Variants in ANO1 observed in about 807,000 individuals in gnomAD.
The protein encoded by ANO1 is anoctamin-1.
Under a neutral mutation model 124.0 loss-of-function variants are expected in ANO1, and 59 were observed. The ratio of observed to expected loss-of-function variants is 0.48; its 90% confidence interval spans 0.39 to 0.59. ANO1 has a LOEUF of 0.59. Among genes scored for constraint, ANO1 ranks in the 20% least tolerant of loss-of-function variants. ANO1 has a pLI of 0.00. For missense variants in ANO1, 1,059 were observed against 1,328.0 expected, an observed-to-expected ratio of 0.80 and a Z score of 3.15; for synonymous variants, 529 against 532.0, an observed-to-expected ratio of 0.99 and a Z score of 0.08.
intron 10 of ANO1, among the ~76,000 whole-genome samples, chr11:70,128,886 G>T (rs188478880): frequency 6.6e-6 from 1 of 152,230 alleles, no homozygotes; most frequent in African/African-American, 2.4e-5. Flanking sequence ...CTAGGAGAGC[G>T]GTAGGGCTCA....
Position 70,108,394 on chromosome 11 carries a change from G to A in ANO1, c.789G>A (p.Lys263=), listed in dbSNP as rs1313981139. 1.2e-6 allele frequency: 2 copies of A among 1,612,418 alleles called. No individual in the cohort carries two copies. Among genetic ancestry groups the A allele is most frequent in the Non-Finnish European group, 8.5e-7 (1 of 1,178,796 alleles). ...AGAGAACGACGTGTACAAAGGCCAA[G>A]TACAGCATGGGTAAGCACGTTTTTG... The part of the protein sequence containing the change: ...ILKRTTCTKA[K]YSMGITSLLA... The change falls in exon 6 of 26, where the codon AAG becomes AAA. Residue 263 remains lysine, a synonymous_variant. Coordinates refer to ENST00000355303, the MANE Select transcript of ANO1 (RefSeq NM_018043.7).
Position 70,024,213 on chromosome 11 carries a change from G to A in ANO1, c.58+38047G>A, listed in dbSNP as rs374721817. ...CAGGGAGCCCAAGGCTATCTCTGAC[G>A]GTCCTGCCTGAGGTCTTTGACCCTC... On this transcript the variant is annotated intron_variant, in intron 1 of 27. Transcript: ENST00000531349. 6.6e-5 allele frequency among the ~76,000 whole-genome samples: 10 copies of A among 152,206 alleles called. No individual in the cohort carries two copies. The East Asian group carries it at 9.6e-4, about 15-fold the overall frequency.
At chr11:69,984,871 C>T (rs782412377), upstream of ANO1, among the ~76,000 whole-genome samples, 1 of 152,352 alleles carries the variant, frequency 6.6e-6, no homozygotes, top group East Asian at 1.9e-4. Context: ...TGCCCTGTCC[C>T]CCACGGCCTC....
intron 16 of ANO1, among the ~76,000 whole-genome samples, chr11:70,159,815 G>A (rs895466741): frequency 6.6e-6 from 1 of 152,210 alleles, no homozygotes; most frequent in Admixed American, 6.5e-5. Context: ...CAGGACCGAG[G>A]GGTTTTCCAA....
Position 70,026,028 on chromosome 11 carries a change from ATGATGATGGTGATGATGGTGGTGGTGG to A in ANO1, c.58+39871_58+39897del, listed in dbSNP as rs1565163755. 1.9e-3 allele frequency among the ~76,000 whole-genome samples: 263 copies of A among 134,958 alleles called. 6 individuals carry two copies. Among genetic ancestry groups the A allele is most frequent in the African/African-American group, 7.2e-3 (249 of 34,790 alleles). 88.5% of individuals were successfully genotyped at this position (134,958 alleles called of 152,430 possible). ...GATGATGATGGTGGTGGTGATGGTGATGATGATGGTGATGATGGTGGTGGTGGTGATGATGATGTGGTGGTGGTGATG... is the reference window on the plus strand; with the variant it reads ...GATGATGATGGTGGTGGTGATGGTGATGATGATGATGTGGTGGTGGTGATG... On this transcript the variant is annotated intron_variant, in intron 1 of 27. Coordinates refer to the ANO1 transcript ENST00000531349.
At chr11:70,146,138 G>T (rs1399540002) in intron 11 of ANO1, among the ~76,000 whole-genome samples, 1 of 152,166 alleles carries the variant, frequency 6.6e-6, no homozygotes, top group Admixed American at 6.5e-5. Flanking sequence ...TCTGCACAGA[G>T]AGTTGGTCCA....
chr11:70,162,250 C>T (rs1168076932), intron 18 of ANO1, among the ~76,000 whole-genome samples: 2 of 147,952 alleles, frequency 1.4e-5, no homozygotes, highest in Admixed American at 6.7e-5. Context: ...AGTGAGGACC[C>T]GGGAGTGAGG....
chr11:70,151,198 G>GCA (rs2047589513), intron 12 of ANO1, among the ~76,000 whole-genome samples: 1 of 152,232 alleles, frequency 6.6e-6, no homozygotes, highest in South Asian at 2.1e-4. Context: ...ACCTGACCTA[G>GCA]CACACAGTCA....
At chr11:70,012,914 C>T (rs12802284) in intron 1 of ANO1, among the ~76,000 whole-genome samples, 36,089 of 152,148 alleles carry the variant, frequency 0.24, 4,434 homozygotes, top group South Asian at 0.29. Context: ...GACAACAAGA[C>T]CAACCATGCC....
chr11:70,167,138 A>G, intron 20 of ANO1, 104 bp from the exon 21 acceptor site: 2 of 1,417,332 alleles, frequency 1.4e-6, no homozygotes, highest in Non-Finnish European at 1.9e-6. Context: ...AAAGAGTGAA[A>G]CTCTGTCTCA....
intron 1 of ANO1, among the ~76,000 whole-genome samples, chr11:70,003,928 C>A (rs1856434367): frequency 6.6e-6 from 1 of 152,196 alleles, no homozygotes; most frequent in African/African-American, 2.4e-5. Context: ...TTCTCCCAGC[C>A]TCCACGTGCC....
At chr11:70,031,640 C>T (rs1857002792) in intron 1 of ANO1, among the ~76,000 whole-genome samples, 1 of 152,112 alleles carries the variant, frequency 6.6e-6, no homozygotes, top group African/African-American at 2.4e-5. Context: ...ACCTCGTGCC[C>T]AAGCCAGGGG....
intron 21 of ANO1, among the ~76,000 whole-genome samples, chr11:70,170,646 G>C (rs1030539193): frequency 2.0e-5 from 3 of 152,206 alleles, no homozygotes; most frequent in African/African-American, 7.2e-5. Flanking sequence ...CAAACACTGA[G>C]ATTCAGAGCA....
At position 70,121,699 on chromosome 11, in the gene ANO1, G is replaced by C. The variant is rs1362046155; in HGVS notation, c.898-2651G>C. Among the ~76,000 whole-genome samples the C allele has an allele frequency of 5.3e-5, 6 of 113,416 alleles. No homozygotes were observed. The East Asian group carries it at 1.6e-3, about 30-fold the overall frequency. The allele number at this position is 113,416 out of a possible 152,430, so 74.4% of individuals were successfully genotyped here. A position where few individuals can be genotyped will look rare whatever the true frequency, so the allele number is the denominator to read the frequency against. Reference sequence around the variant, plus strand: ...CTCTCCGTCTCCCCCACCTCTCTCTGTCTGTCTCTCTATCTCTGCCTCTCC... The same window carrying C: ...CTCTCCGTCTCCCCCACCTCTCTCTCTCTGTCTCTCTATCTCTGCCTCTCC... On this transcript the variant is annotated intron_variant, in intron 8 of 25. Transcript: ENST00000355303.
chr11:70,150,690 A>T (rs139657361), intron 12 of ANO1, among the ~76,000 whole-genome samples: 1 of 151,912 alleles, frequency 6.6e-6, no homozygotes, highest in Non-Finnish European at 1.5e-5. Context: ...ACACACAACC[A>T]TGCCTGGCGA....
intron 11 of ANO1, 129 bp from the exon 12 acceptor site, chr11:70,149,581 G>A (rs2047516706): frequency 1.1e-6 from 1 of 917,902 alleles, no homozygotes; most frequent in Non-Finnish European, 1.6e-6. Context: ...AACCCAGGAG[G>A]CGAGATTGCA....
intron 9 of ANO1, among the ~76,000 whole-genome samples, chr11:70,124,704 G>A (rs917717318): frequency 2.6e-5 from 4 of 152,076 alleles, no homozygotes; most frequent in South Asian, 4.1e-4. Context: ...AGGGTTTTCC[G>A]GATTTGAGAC....
chr11:70,051,120 G>C (rs1409123867), intron 1 of ANO1, among the ~76,000 whole-genome samples: 3 of 152,116 alleles, frequency 2.0e-5, no homozygotes, highest in African/African-American at 7.2e-5. Flanking sequence ...TTACCACCCA[G>C]ATCAAGCTAA....
chr11:70,093,795 T>G (rs1052743731), intron 2 of ANO1, among the ~76,000 whole-genome samples: 3 of 152,166 alleles, frequency 2.0e-5, no homozygotes, highest in Non-Finnish European at 4.4e-5. Context: ...GCGGACTCCA[T>G]GGGAGAAGGG....
Sources: allele counts gnomAD v4.1 joint callset (sites outside exome capture counted in the v4.1 genomes callset), GRCh38; gene constraint gnomAD v4.1.1; transcripts MANE v1.5; gene names NCBI Gene and HGNC (gene_info 2026-07-23, HGNC 2026-07-21).